Variants in WASHC5 observed in about 807,000 individuals in gnomAD.
WASHC5 encodes WASH complex subunit 5.
In WASHC5, 101 loss-of-function variants were observed where a neutral mutation model predicts 150.4. The ratio of observed to expected loss-of-function variants is 0.67; its 90% CI spans 0.57 to 0.79. WASHC5 has a LOEUF of 0.79. Among genes scored for constraint, WASHC5 ranks in the 30% least tolerant of loss-of-function variants. The pLI is 0.00. For missense variants in WASHC5, 1,195 were observed against 1,396.3 expected (o/e 0.86, Z 2.30); for synonymous variants, 467 against 491.2 (o/e 0.95, Z 0.65).
intron 13 of WASHC5, 26 bp downstream of exon 13, chr8:125,059,350 A>C: frequency 6.2e-7 from 1 of 1,614,002 alleles, no homozygotes; most frequent in Middle Eastern, 1.6e-4. Flanking sequence ...TTTCATCTAC[A>C]GCAAATGTCA....
chr8:125,055,764 C>A, intron 16 of WASHC5, 93 bp from the exon 17 acceptor site: 1 of 822,244 alleles, frequency 1.2e-6, no homozygotes, highest in Non-Finnish European at 2.1e-6. Flanking sequence ...CTTTAGGACA[C>A]CTGTGTCCAC....
intron 5 of WASHC5, among the ~76,000 whole-genome samples, chr8:125,080,644 T>G (rs1022552516): frequency 1.3e-5 from 2 of 152,258 alleles, no homozygotes; most frequent in African/African-American, 4.8e-5. Context: ...CTCTGAATCT[T>G]GACTATCTCC....
chr8:125,070,229 G>A (rs539179149), intron 9 of WASHC5, among the ~76,000 whole-genome samples: 8 of 152,336 alleles, frequency 5.3e-5, no homozygotes, highest in Middle Eastern at 3.4e-3. Context: ...ATGAGACTAG[G>A]CCTGCTTTTC....
chr8:125,055,689 A>G lies in WASHC5; in HGVS notation c.2017-18T>C. 6.7e-7 allele frequency: 1 copy of G among 1,483,100 alleles called. No individual in the cohort carries two copies. Among genetic ancestry groups the G allele is most frequent in the Non-Finnish European group, 9.4e-7 (1 of 1,060,898 alleles). 91.9% of individuals were successfully genotyped at this position (1,483,100 alleles called of 1,614,324 possible). ...TTGGCAACCTATAACAAAGAAAAAG[A>G]GGTATGAAAAATCACTGTCTAATAG... On this transcript the variant is annotated intron_variant, in intron 16 of 28. Transcript: ENST00000318410.
intron 26 of WASHC5, among the ~76,000 whole-genome samples, chr8:125,034,754 C>G (rs1284825067): frequency 2.4e-4 from 36 of 152,172 alleles, no homozygotes; most frequent in Non-Finnish European, 5.3e-4. Flanking sequence ...ATAACCTAAC[C>G]TAGGCCTTGG....
chr8:125,063,798 G>T, intron 10 of WASHC5, 147 bp from the exon 11 acceptor site: 1 of 707,810 alleles, frequency 1.4e-6, no homozygotes, highest in Non-Finnish European at 2.3e-6. Context: ...ATCTCCTCAG[G>T]CACTGATACT....
rs549798773 is a variant in WASHC5 at position 125,046,963 on chromosome 8, A to G, written c.2504+244T>C. Reference sequence around the variant, plus strand: ...AGGCCACTGATCTGACAGGAAGTGGAGCTCAGGTGGTAATGCTTGCTTGCC... The same window carrying G: ...AGGCCACTGATCTGACAGGAAGTGGGGCTCAGGTGGTAATGCTTGCTTGCC... On this transcript the variant is annotated intron_variant, in intron 20 of 28. Coordinates refer to ENST00000318410, the MANE Select transcript of WASHC5 (RefSeq NM_014846.4). Among the ~76,000 whole-genome samples, 5 of 152,266 alleles carry G rather than the reference A, an allele frequency of 3.3e-5. No individual in the cohort carries two copies. The East Asian group carries it at 9.6e-4, about 29-fold the overall frequency.
chr8:125,037,220 A>G lies in WASHC5; in HGVS notation c.3181+17T>C. On this transcript the variant is annotated intron_variant, in intron 26 of 28. Coordinates refer to ENST00000318410, the MANE Select transcript of WASHC5 (RefSeq NM_014846.4). ...TTGGTATTGTTACTCATTGCAAATA[A>G]TAAATGTTATACGTACCCAGATTTT... 2 of 1,440,324 alleles carry G rather than the reference A, an allele frequency of 1.4e-6. No individual in the cohort carries two copies. The allele number at this position is 1,440,324 out of a possible 1,614,324, so 89.2% of individuals were successfully genotyped here. A position where few individuals can be genotyped will look rare whatever the true frequency, so the allele number is the denominator to read the frequency against.
At position 125,061,320 on chromosome 8, in the gene WASHC5, A is replaced by G. The variant is rs1217366191; in HGVS notation, c.1409-126T>C. ...CTTTAACCGTGGGCCTAACACTAGG[A>G]ATTTTCCAAACGACAAAAATGCCTG... On this transcript the variant is annotated intron_variant, in intron 11 of 28. Transcript: ENST00000318410. 6 of 621,350 alleles carry G rather than the reference A, an allele frequency of 9.7e-6. No individual in the cohort carries two copies. In the East Asian group the frequency reaches 1.5e-4, roughly 15 times the overall value. 38.5% of individuals were successfully genotyped at this position (621,350 alleles called of 1,614,324 possible).
chr8:125,044,514 G>C (rs1253192642), intron 21 of WASHC5, 22 bp downstream of exon 21: 2 of 1,613,492 alleles, frequency 1.2e-6, no homozygotes. Context: ...CAGAAAACAG[G>C]CATGAAAGTC....
intron 17 of WASHC5, among the ~76,000 whole-genome samples, chr8:125,055,355 G>A (rs1292477774): frequency 6.6e-6 from 1 of 152,086 alleles, no homozygotes; most frequent in African/African-American, 2.4e-5. Context: ...CCCGGGAGGT[G>A]GAGGTTGCAG....
intron 20 of WASHC5, among the ~76,000 whole-genome samples, chr8:125,045,287 G>A (rs1816029626): frequency 6.6e-6 from 1 of 152,150 alleles, no homozygotes; most frequent in South Asian, 2.1e-4. Context: ...TATTTACTGG[G>A]CACTTATTGT....
intron 20 of WASHC5, among the ~76,000 whole-genome samples, chr8:125,046,437 A>C (rs147754135): frequency 1.3e-5 from 2 of 152,224 alleles, no homozygotes; most frequent in South Asian, 4.1e-4. Flanking sequence ...TAGAGCCCAC[A>C]TAACCCGTAT....
At position 125,037,253 on chromosome 8, in the gene WASHC5, T is replaced by C. The variant is rs777978845; in HGVS notation, c.3165A>G (p.Gln1055=). 114 of 1,602,902 alleles carry C rather than the reference T, an allele frequency of 7.1e-5. 1 individual carries two copies. Among genetic ancestry groups the C allele is most frequent in the Non-Finnish European group, 9.3e-5 (109 of 1,170,028 alleles). ...TATACGTACCCAGATTTTTGTTGTA[T>C]TGAAGTTTTGGCAACTGAGCGATCA... is the stretch of plus-strand genomic sequence containing the variant. ...LFLIAQLPKL[Q]YNKNLGMVCR... is the part of the protein sequence containing the mutation. Residue 1055 remains glutamine (Q), a synonymous_variant, in exon 26 of 29, where the codon CAA becomes CAG. Coordinates refer to ENST00000318410, the MANE Select transcript of WASHC5 (RefSeq NM_014846.4).
rs1395316853 is a variant in WASHC5 at position 125,073,280 on chromosome 8, C to G, written c.1023G>C (p.Val341=). The G allele has an allele frequency of 2.5e-6, 4 of 1,614,066 alleles. No homozygotes were observed. The South Asian group carries it at 3.3e-5, about 13-fold the overall frequency. The change falls in exon 9 of 29, where the codon GTG becomes GTC. Residue 341 remains valine, a synonymous_variant. Transcript: ENST00000318410. ...AATAACCTTCTTTTAGAAATTGCTG[C>G]ACTTGAGCATGCACTCTTTCACTGA... ...ATVSERVHAQ[V]QQFLKEGYLR...
chr8:125,025,837 C>G (rs1031032931), intron 28 of WASHC5, among the ~76,000 whole-genome samples: 2 of 151,346 alleles, frequency 1.3e-5, no homozygotes, highest in African/African-American at 2.4e-5. Flanking sequence ...CAGACAGACA[C>G]ACACACACAC....
At chr8:125,038,684 G>T in intron 25 of WASHC5, 146 bp downstream of exon 25, 1 of 927,242 alleles carries the variant, frequency 1.1e-6, no homozygotes, top group Non-Finnish European at 1.7e-6. Flanking sequence ...TGTGATGATT[G>T]CTTAGAAAGG....
Position 125,076,433 on chromosome 8 carries a change from A to G in WASHC5, c.779T>C (p.Val260Ala), listed in dbSNP as rs747008037. 1.2e-6 allele frequency: 2 copies of G among 1,614,044 alleles called. No individual in the cohort carries two copies. The highest frequency in any genetic ancestry group is 4.5e-5 in the East Asian group (2 of 44,874). The change falls in exon 7 of 29, where the codon GTG (valine) becomes GCG (alanine). Residue 260 changes from valine to alanine, a missense_variant. By Grantham distance (64) the Val-to-Ala change is moderately conservative. Coordinates refer to ENST00000318410, the MANE Select transcript of WASHC5 (RefSeq NM_014846.4). The stretch of plus-strand genomic sequence containing the variant: ...GATGGAAGGCTCAAAGTAGAGAATC[A>G]CGTACAGCATGGCAGCTTGGTTTGC... Reference protein sequence around the residue: ...ALANQAAMLYVILYFEPSILH... With the variant: ...ALANQAAMLYAILYFEPSILH...
At chr8:125,089,171 G>A (rs75622557) in intron 1 of WASHC5, among the ~76,000 whole-genome samples, 17 of 152,118 alleles carry the variant, frequency 1.1e-4, no homozygotes, top group Non-Finnish European at 1.5e-4. Flanking sequence ...CATGGATATG[G>A]TCTGGCTTGG....
Sources: allele counts gnomAD v4.1 joint callset (sites outside exome capture counted in the v4.1 genomes callset), GRCh38; gene constraint gnomAD v4.1.1; transcripts MANE v1.5; gene names NCBI Gene and HGNC (gene_info 2026-07-23, HGNC 2026-07-21).